The following KCNT2 variants were observed in gnomAD, a reference collection of about 807,000 sequenced individuals.
KCNT2 encodes the protein potassium channel subfamily T member 2.
A neutral mutation model predicts 153.8 loss-of-function variants in KCNT2; 67 were observed. The ratio of observed to expected loss-of-function variants is 0.44; its 90% CI spans 0.36 to 0.53. KCNT2 has a LOEUF of 0.53. Ranked by LOEUF, KCNT2 falls within the 20% of genes least tolerant of loss-of-function variation. The pLI, the probability that KCNT2 is intolerant of heterozygous loss-of-function variation, is 0.00. For synonymous variants in KCNT2, 500 were observed against 458.8 expected, an observed-to-expected ratio of 1.09 and a Z score of -1.15; for missense variants, 975 against 1,354.8, an observed-to-expected ratio of 0.72 and a Z score of 4.40.
intron 7 of KCNT2, among the ~76,000 whole-genome samples, chr1:196,466,136 A>G (rs1677594161): frequency 6.6e-6 from 1 of 152,102 alleles, no homozygotes; most frequent in African/African-American, 2.4e-5. Flanking sequence ...AATATTGCAA[A>G]ACAGGCTTTG....
chr1:196,576,117 T>TAC (rs1558096667), intron 1 of KCNT2, among the ~76,000 whole-genome samples: 3 of 151,722 alleles, frequency 2.0e-5, no homozygotes, highest in Non-Finnish European at 4.4e-5. Flanking sequence ...TGTATATATA[T>TAC]ATCCTTAAAG....
chr1:196,254,402 T>C (rs1276523799), intron 26 of KCNT2, among the ~76,000 whole-genome samples: 2 of 151,528 alleles, frequency 1.3e-5, no homozygotes, highest in African/African-American at 4.8e-5. Flanking sequence ...GCCAATTCCT[T>C]CTGAAATAGT....
intron 14 of KCNT2, among the ~76,000 whole-genome samples, chr1:196,342,709 T>A (rs1665787326): frequency 6.6e-6 from 1 of 152,022 alleles, no homozygotes; most frequent in South Asian, 2.1e-4. Flanking sequence ...ATTACAAATT[T>A]ATCTCAATTT....
chr1:196,462,379 TGA>T (rs1207123126), intron 8 of KCNT2, among the ~76,000 whole-genome samples: 1 of 151,762 alleles, frequency 6.6e-6, no homozygotes, highest in African/African-American at 2.4e-5. Context: ...GTGGAGATAA[TGA>T]GAGACTCAAG....
chr1:196,460,276 A>G (rs1677036273), intron 8 of KCNT2, among the ~76,000 whole-genome samples: 1 of 151,802 alleles, frequency 6.6e-6, no homozygotes, highest in South Asian at 2.1e-4. Context: ...CCATTTTCAC[A>G]GATTTACACT....
At chr1:196,552,068 C>A (rs1240448706) in intron 1 of KCNT2, among the ~76,000 whole-genome samples, 2 of 151,420 alleles carry the variant, frequency 1.3e-5, no homozygotes, top group Non-Finnish European at 3.0e-5. Context: ...TCTGTTCTCC[C>A]TCCTATTCTC....
intron 14 of KCNT2, among the ~76,000 whole-genome samples, chr1:196,359,207 T>A (rs981155512): frequency 6.6e-6 from 1 of 152,008 alleles, no homozygotes; most frequent in Non-Finnish European, 1.5e-5. Context: ...TCTAGGCACC[T>A]TGTACCCTCA....
chr1:196,523,400 A>G (rs1344420215), intron 1 of KCNT2, among the ~76,000 whole-genome samples: 1 of 152,218 alleles, frequency 6.6e-6, no homozygotes, highest in Non-Finnish European at 1.5e-5. Context: ...ACACTAGCTT[A>G]AATTAAGAAG....
At chr1:196,282,931 G>A (rs915548614) in intron 23 of KCNT2, among the ~76,000 whole-genome samples, 5 of 152,050 alleles carry the variant, frequency 3.3e-5, no homozygotes, top group East Asian at 1.9e-4. Context: ...TGCAGCCTCC[G>A]CCTCCCGGGT....
At chr1:196,471,860 T>G (rs953701932) in intron 5 of KCNT2, among the ~76,000 whole-genome samples, 2 of 152,206 alleles carry the variant, frequency 1.3e-5, no homozygotes, top group African/African-American at 4.8e-5. Flanking sequence ...AAATGCCAAA[T>G]TCCCATTGCC....
At chr1:196,519,117 T>C (rs1327114134) in intron 1 of KCNT2, among the ~76,000 whole-genome samples, 1 of 151,754 alleles carries the variant, frequency 6.6e-6, no homozygotes, top group African/African-American at 2.4e-5. Flanking sequence ...ACAATAAAAA[T>C]TAAAATCAAG....
intron 14 of KCNT2, among the ~76,000 whole-genome samples, chr1:196,348,801 G>T (rs1289482200): frequency 6.6e-6 from 1 of 152,046 alleles, no homozygotes; most frequent in Non-Finnish European, 1.5e-5. Flanking sequence ...TGAGGAGGGT[G>T]GATCTCATGA....
intron 26 of KCNT2, among the ~76,000 whole-genome samples, chr1:196,254,409 T>C (rs1435936442): frequency 1.3e-5 from 2 of 151,560 alleles, no homozygotes; most frequent in East Asian, 1.9e-4. Flanking sequence ...CCTTCTGAAA[T>C]AGTAAATTGT....
chr1:196,330,511 G>A (rs1664352126), intron 18 of KCNT2, among the ~76,000 whole-genome samples: 1 of 151,752 alleles, frequency 6.6e-6, no homozygotes, highest in Admixed American at 6.6e-5. Context: ...GAATCTCCAG[G>A]GGCAGTAAAT....
chr1:196,410,624 C>T (rs754387058), intron 12 of KCNT2, among the ~76,000 whole-genome samples: 2 of 150,356 alleles, frequency 1.3e-5, no homozygotes, highest in African/African-American at 4.9e-5. Context: ...GCAGCACAAA[C>T]GAAAAATATC....
chr1:196,479,029 A>G (rs147461093), intron 5 of KCNT2, 150 bp downstream of exon 5: 4 of 613,652 alleles, frequency 6.5e-6, no homozygotes, highest in Non-Finnish European at 1.2e-5. Context: ...GTATTCATAC[A>G]GCTTTTTATC....
At chr1:196,297,835 T>G (rs937232213) in intron 22 of KCNT2, among the ~76,000 whole-genome samples, 1 of 152,132 alleles carries the variant, frequency 6.6e-6, no homozygotes, top group Non-Finnish European at 1.5e-5. Context: ...TAGGACAATG[T>G]GCTTTTGTTT....
intron 13 of KCNT2, among the ~76,000 whole-genome samples, chr1:196,395,817 T>A (rs572838526): frequency 6.6e-6 from 1 of 151,732 alleles, no homozygotes; most frequent in Non-Finnish European, 1.5e-5. Flanking sequence ...ATTTCCACAA[T>A]TTAGGGTAAA....
At chr1:196,532,036 T>A (rs1203514233) in intron 1 of KCNT2, among the ~76,000 whole-genome samples, 1 of 152,082 alleles carries the variant, frequency 6.6e-6, no homozygotes, top group Non-Finnish European at 1.5e-5. Context: ...GTGTTGGGTT[T>A]TTTTTTAGCA....
Sources: gnomAD v4.1 joint callset for allele counts (sites outside exome capture counted in the v4.1 genomes callset) on GRCh38, gnomAD v4.1.1 for gene constraint, MANE v1.5 for transcripts, NCBI Gene and HGNC (gene_info 2026-07-23, HGNC 2026-07-21) for gene names.